The following MLLT3 variants were observed in gnomAD, a reference collection of about 807,000 sequenced individuals.
MLLT3 encodes protein AF-9.
A neutral mutation model predicts 53.2 loss-of-function variants in MLLT3; 4 were observed. That is an observed-to-expected ratio of 0.08 (90% confidence interval 0.04 to 0.17). MLLT3 has a LOEUF of 0.17. MLLT3 is among the 10% of genes least tolerant of loss of function. The pLI is 1.00. For missense variants in MLLT3, 569 were observed against 684.0 expected, an observed-to-expected ratio of 0.83 and a Z score of 1.87; for synonymous variants, 283 against 230.6, an observed-to-expected ratio of 1.23 and a Z score of -2.06.
At chr9:20,498,953 G>A (rs549427996) in intron 2 of MLLT3, among the ~76,000 whole-genome samples, 1 of 152,292 alleles carries the variant, frequency 6.6e-6, no homozygotes, top group Admixed American at 6.5e-5. Flanking sequence ...GAAACAACAG[G>A]AATTTAACCA....
rs117513867 is a variant in MLLT3, at chr9:20,399,784, G to A, written c.1125+13937C>T. Among the ~76,000 whole-genome samples the A allele has an allele frequency of 4.6e-5, 7 of 152,232 alleles. No homozygotes were observed. The East Asian group carries it at 1.3e-3, about 29-fold the overall frequency. ...ACTTAAAATATAATTTGAGGCATGT[G>A]AAACTGTTCGAGGCTGCTAGGGTAC... On this transcript the variant is annotated intron_variant, in intron 5 of 10. Transcript: ENST00000380338.
chr9:20,475,485 A>G lies in MLLT3; in HGVS notation c.194-18699T>C, dbSNP rs113029626. ...ATCAGCTTCAGTTAAGAAATATTTA[A>G]AATTTTGTTAACATATAAAGTTTCA... On this transcript the variant is annotated intron_variant, in intron 2 of 10. Transcript: ENST00000380338. Among the ~76,000 whole-genome samples, 287 of 152,236 alleles carry G rather than the reference A, an allele frequency of 1.9e-3. 2 individuals carry two copies. The highest frequency in any genetic ancestry group is 0.018 in the South Asian group (88 of 4,824).
chr9:20,550,238 G>A (rs1486773995), intron 2 of MLLT3, among the ~76,000 whole-genome samples: 1 of 152,204 alleles, frequency 6.6e-6, no homozygotes, highest in Non-Finnish European at 1.5e-5. Flanking sequence ...CATGAGAGAA[G>A]TGACTTACAA....
At chr9:20,482,495 G>A (rs774780869) in intron 2 of MLLT3, among the ~76,000 whole-genome samples, 30 of 152,060 alleles carry the variant, frequency 2.0e-4, no homozygotes, top group Non-Finnish European at 4.3e-4. Context: ...ATGAAGTGTT[G>A]CCCAATTCTA....
chr9:20,511,737 CACAT>C (rs1033741428), intron 2 of MLLT3, among the ~76,000 whole-genome samples: 1 of 151,944 alleles, frequency 6.6e-6, no homozygotes, highest in Non-Finnish European at 1.5e-5. Flanking sequence ...ATCACAGATA[CACAT>C]ACATACATAC....
At chr9:20,441,820 T>C (rs1823562132) in intron 4 of MLLT3, among the ~76,000 whole-genome samples, 1 of 152,294 alleles carries the variant, frequency 6.6e-6, no homozygotes. Flanking sequence ...ATTTTTAAAA[T>C]AAGCAGCCAG....
intron 5 of MLLT3, among the ~76,000 whole-genome samples, chr9:20,366,258 C>G (rs1044162415): frequency 1.3e-5 from 2 of 152,142 alleles, no homozygotes; most frequent in Non-Finnish European, 2.9e-5. Flanking sequence ...TCTATGTGTT[C>G]TTATTGTTCA....
chr9:20,428,550 T>G (rs1394482111), intron 4 of MLLT3, among the ~76,000 whole-genome samples: 2 of 152,066 alleles, frequency 1.3e-5, no homozygotes, highest in African/African-American at 4.8e-5. Flanking sequence ...TTTTGTGGAA[T>G]TAAAATAGGA....
chr9:20,345,904 G>A lies in MLLT3; in HGVS notation c.*539C>T, dbSNP rs958007840. ...GGAAAAAGTTGGTGGAAAGTGGCAC[G>A]GTATACGAGTAAGGTCACTGGGCTT... On this transcript the variant is annotated 3_prime_UTR_variant, in exon 11 of 11. Transcript: ENST00000380338. The A allele has an allele frequency of 7.4e-5, 17 of 230,712 alleles. No homozygotes were observed. Among genetic ancestry groups the A allele is most frequent in the Middle Eastern group, 1.2e-3 (1 of 802 alleles). The allele number at this position is 230,712 out of a possible 1,614,324, so 14.3% of individuals were successfully genotyped here. A position where few individuals can be genotyped will look rare whatever the true frequency, so the allele number is the denominator to read the frequency against.
At chr9:20,447,465 C>G (rs1352788811) in intron 4 of MLLT3, among the ~76,000 whole-genome samples, 1 of 152,156 alleles carries the variant, frequency 6.6e-6, no homozygotes. Context: ...TTTGACCAAT[C>G]AATAGTGTTT....
intron 2 of MLLT3, among the ~76,000 whole-genome samples, chr9:20,591,014 T>TGCTGGGA (rs2131186271): frequency 6.6e-6 from 1 of 152,242 alleles, no homozygotes; most frequent in Admixed American, 6.5e-5. Flanking sequence ...CCTCCCAAAG[T>TGCTGGGA]GCTGGGATTA....
Position 20,430,966 on chromosome 9 carries a change from T to C in MLLT3, c.421-16541A>G, listed in dbSNP as rs544937243. On this transcript the variant is annotated intron_variant, in intron 4 of 10. Coordinates refer to ENST00000380338, the MANE Select transcript of MLLT3 (RefSeq NM_004529.4). ...CATGAATGGCCAATGAAATATATGT[T>C]CAGCTTCATTAATGAACATATAATC... Among the ~76,000 whole-genome samples the C allele has an allele frequency of 6.6e-5, 10 of 152,286 alleles. No individual in the cohort carries two copies. In the South Asian group the frequency reaches 8.3e-4, roughly 13 times the overall value.
At chr9:20,417,272 G>T (rs1822894986) in intron 4 of MLLT3, among the ~76,000 whole-genome samples, 1 of 147,500 alleles carries the variant, frequency 6.8e-6, no homozygotes, top group Non-Finnish European at 1.5e-5. Flanking sequence ...CAGTGGCTCA[G>T]ATACACAGCC....
intron 5 of MLLT3, among the ~76,000 whole-genome samples, chr9:20,392,242 T>C (rs1043553618): frequency 6.6e-6 from 1 of 152,184 alleles, no homozygotes; most frequent in Non-Finnish European, 1.5e-5. Context: ...AAACCATACC[T>C]GGTAATTGTA....
rs1271795888 is a variant in MLLT3 at position 20,343,060 on chromosome 9, T to C, written c.*3383A>G. The C allele has an allele frequency of 5.4e-6, 1 of 183,688 alleles. No individual in the cohort carries two copies. Among genetic ancestry groups the C allele is most frequent in the African/African-American group, 2.4e-5 (1 of 42,186 alleles). The allele number at this position is 183,688 out of a possible 1,614,324, so 11.4% of individuals were successfully genotyped here. On this transcript the variant is annotated 3_prime_UTR_variant, in exon 11 of 11. Transcript: ENST00000380338. ...AGTTAAAACATTTAAGAGTAAAGTC[T>C]CTCTTAAACAAATATATTAACTACA... is the stretch of plus-strand genomic sequence containing the variant.
At chr9:20,396,927 A>G (rs1205162999) in intron 5 of MLLT3, among the ~76,000 whole-genome samples, 1 of 151,982 alleles carries the variant, frequency 6.6e-6, no homozygotes, top group African/African-American at 2.4e-5. Context: ...GTCAGGTGAA[A>G]GATGCTAGAA....
chr9:20,424,364 A>G (rs1823090350), intron 4 of MLLT3, among the ~76,000 whole-genome samples: 1 of 152,214 alleles, frequency 6.6e-6, no homozygotes, highest in South Asian at 2.1e-4. Context: ...ATGCCCTGGC[A>G]GAGCACATGA....
At chr9:20,370,428 T>C (rs1401951401) in intron 5 of MLLT3, among the ~76,000 whole-genome samples, 1 of 151,996 alleles carries the variant, frequency 6.6e-6, no homozygotes, top group Non-Finnish European at 1.5e-5. Flanking sequence ...GTCTCCCTAT[T>C]CCCTGAGATA....
At chr9:20,364,835 A>AT (rs1821410637) in intron 6 of MLLT3, among the ~76,000 whole-genome samples, 2 of 152,280 alleles carry the variant, frequency 1.3e-5, no homozygotes, top group Middle Eastern at 6.8e-3. Context: ...ATACCTATGC[A>AT]TTTTTCATGT....
Sources: allele counts gnomAD v4.1 joint callset (sites outside exome capture counted in the v4.1 genomes callset), GRCh38; gene constraint gnomAD v4.1.1; transcripts MANE v1.5; gene names NCBI Gene and HGNC (gene_info 2026-07-23, HGNC 2026-07-21).